STX8: variants seen among roughly 807,000 people sequenced by gnomAD.
The protein encoded by STX8 is syntaxin-8.
Under a neutral mutation model 37.5 loss-of-function variants are expected in STX8, and 23 were observed. That is an observed-to-expected ratio of 0.61 (90% CI 0.44 to 0.87). STX8 has a LOEUF of 0.87. Ranked by LOEUF, STX8 falls within the 40% of genes least tolerant of loss-of-function variation. The pLI, the probability that STX8 is intolerant of heterozygous loss-of-function variation, is 0.00. For synonymous variants in STX8, 115 were observed against 99.1 expected (o/e 1.16, Z -0.95); for missense variants, 313 against 284.7 (o/e 1.10, Z -0.71).
intron 7 of STX8, among the ~76,000 whole-genome samples, chr17:9,345,448 C>T (rs566227943): frequency 6.6e-6 from 1 of 152,156 alleles, no homozygotes; most frequent in Non-Finnish European, 1.5e-5. Flanking sequence ...CCATGCCTGG[C>T]CACATATCTC....
chr17:9,324,147 C>CAA (rs1185615531), intron 7 of STX8, among the ~76,000 whole-genome samples: 42 of 151,752 alleles, frequency 2.8e-4, no homozygotes, highest in African/African-American at 9.4e-4. Flanking sequence ...CACACACACA[C>CAA]ACACACACAA....
intron 4 of STX8, among the ~76,000 whole-genome samples, chr17:9,543,902 T>C (rs983970497): frequency 6.6e-6 from 1 of 152,194 alleles, no homozygotes; most frequent in Non-Finnish European, 1.5e-5. Context: ...CATGGAACCT[T>C]GGATCGCCGC....
chr17:9,329,822 G>C (rs796393257), intron 7 of STX8, among the ~76,000 whole-genome samples: 2 of 152,196 alleles, frequency 1.3e-5, no homozygotes, highest in Non-Finnish European at 2.9e-5. Flanking sequence ...GCAGAGATGA[G>C]GGAATAAGGC....
At chr17:9,541,525 T>A (rs1195213262) in intron 4 of STX8, among the ~76,000 whole-genome samples, 1 of 152,148 alleles carries the variant, frequency 6.6e-6, no homozygotes, top group Non-Finnish European at 1.5e-5. Flanking sequence ...AGCAATCACT[T>A]CATCTGGTCC....
At chr17:9,288,528 G>A (rs955056431) in intron 7 of STX8, among the ~76,000 whole-genome samples, 4 of 152,026 alleles carry the variant, frequency 2.6e-5, no homozygotes, top group Non-Finnish European at 4.4e-5. Context: ...CGGGCGTGGT[G>A]GCAGGCGCCT....
chr17:9,571,599 CAAAAAAAA>C (rs66741519), intron 1 of STX8, among the ~76,000 whole-genome samples: 1 of 99,864 alleles, frequency 1.0e-5, no homozygotes, highest in Non-Finnish European at 1.9e-5. Context: ...GACTTTGTCT[CAAAAAAAA>C]AAAAAAAAAA....
intron 6 of STX8, among the ~76,000 whole-genome samples, chr17:9,474,666 A>G (rs1458006067): frequency 1.3e-5 from 2 of 152,230 alleles, no homozygotes; most frequent in African/African-American, 2.4e-5. Flanking sequence ...CTTTAGTCCA[A>G]CTGGCTATAA....
chr17:9,458,306 C>T (rs562072488), intron 6 of STX8, among the ~76,000 whole-genome samples: 18 of 150,930 alleles, frequency 1.2e-4, no homozygotes, highest in African/African-American at 2.2e-4. Context: ...ACCACTGCCA[C>T]GCCTGGCTAA....
chr17:9,455,583 G>A (rs1905164489), intron 6 of STX8, among the ~76,000 whole-genome samples: 1 of 151,836 alleles, frequency 6.6e-6, no homozygotes, highest in South Asian at 2.1e-4. Context: ...GGCACAGCAA[G>A]GAAAATATTT....
chr17:9,489,401 A>G (rs1224529335), intron 6 of STX8, among the ~76,000 whole-genome samples: 3 of 152,250 alleles, frequency 2.0e-5, no homozygotes, highest in Non-Finnish European at 4.4e-5. Flanking sequence ...AAACCAGACG[A>G]AAGACAAGAT....
At chr17:9,293,832 G>A (rs1908409768) in intron 7 of STX8, among the ~76,000 whole-genome samples, 1 of 151,642 alleles carries the variant, frequency 6.6e-6, no homozygotes, top group South Asian at 2.1e-4. Flanking sequence ...CACGATCTTG[G>A]CTCACTGCAA....
intron 6 of STX8, among the ~76,000 whole-genome samples, chr17:9,439,742 C>T (rs1440827161): frequency 1.3e-5 from 2 of 151,988 alleles, no homozygotes; most frequent in Non-Finnish European, 2.9e-5. Flanking sequence ...GATCTGCCTG[C>T]CTCGGCCTCT....
chr17:9,269,144 G>A (rs1255460456), intron 7 of STX8, among the ~76,000 whole-genome samples: 14 of 150,306 alleles, frequency 9.3e-5, no homozygotes, highest in Admixed American at 3.3e-4. Flanking sequence ...CCGAGATTGC[G>A]CCACTGCACT....
At chr17:9,293,281 G>C (rs1030279910) in intron 7 of STX8, among the ~76,000 whole-genome samples, 1 of 152,146 alleles carries the variant, frequency 6.6e-6, no homozygotes, top group East Asian at 1.9e-4. Flanking sequence ...AGTATTCTAG[G>C]AGTATCTAAG....
intron 6 of STX8, among the ~76,000 whole-genome samples, chr17:9,382,528 C>T (rs929705580): frequency 6.6e-6 from 1 of 152,066 alleles, no homozygotes; most frequent in Admixed American, 6.6e-5. Context: ...GTTTGCTGCA[C>T]CCATCAACTC....
intron 5 of STX8, among the ~76,000 whole-genome samples, chr17:9,503,105 C>CAAAAAAAAAAAAAAAAAAAAAAAAAAA (rs61437085): frequency 1.7e-5 from 1 of 58,600 alleles, no homozygotes; most frequent in African/African-American, 7.6e-5. Context: ...GACTCTGTCT[C>CAAAAAAAAAAAAAAAAAAAAAAAAAAA]AAAAAAAAAA....
intron 7 of STX8, among the ~76,000 whole-genome samples, chr17:9,321,520 C>T (rs1193357824): frequency 2.0e-5 from 3 of 151,480 alleles, no homozygotes; most frequent in East Asian, 3.9e-4. Context: ...AAATATACTA[C>T]TTATTTATTT....
At chr17:9,448,310 G>C in intron 6 of STX8, among the ~76,000 whole-genome samples, 1 of 152,106 alleles carries the variant, frequency 6.6e-6, no homozygotes, top group East Asian at 1.9e-4. Flanking sequence ...CATGCACAGA[G>C]AGGCAAAAAG....
At chr17:9,327,304 AAG>A (rs201633715) in intron 7 of STX8, among the ~76,000 whole-genome samples, 42 of 149,070 alleles carry the variant, frequency 2.8e-4, no homozygotes, top group Non-Finnish European at 4.0e-4. Context: ...AGAAGAAAGA[AAG>A]AAGAAGAAGG....
Sources: allele counts gnomAD v4.1 joint callset (sites outside exome capture counted in the v4.1 genomes callset), GRCh38; gene constraint gnomAD v4.1.1; transcripts MANE v1.5; gene names NCBI Gene and HGNC (gene_info 2026-07-23, HGNC 2026-07-21).